The following SLC25A13 variants were observed in gnomAD, a reference collection of about 807,000 sequenced individuals.
SLC25A13 encodes electrogenic aspartate/glutamate antiporter SLC25A13, mitochondrial.
SLC25A13 carries 70 observed loss-of-function variants against 85.5 expected under a neutral mutation model. The ratio of observed to expected loss-of-function variants is 0.82; its 90% CI spans 0.68 to 1.00. The LOEUF is 1.00. Ranked by LOEUF, SLC25A13 falls within the 50% of genes least tolerant of loss-of-function variation. The pLI is 0.00. For synonymous variants in SLC25A13, 259 were observed against 288.7 expected (o/e 0.90, Z 1.04); for missense variants, 765 against 819.8 (o/e 0.93, Z 0.82).
chr7:96,199,288 A>T (rs148215086), intron 5 of SLC25A13, among the ~76,000 whole-genome samples: 248 of 152,310 alleles, frequency 1.6e-3, no homozygotes, highest in Middle Eastern at 0.01. Flanking sequence ...CCTACCAAAA[A>T]CCAGATGAAG....
intron 3 of SLC25A13, among the ~76,000 whole-genome samples, chr7:96,244,077 A>G (rs776555711): frequency 1.5e-4 from 23 of 152,166 alleles, no homozygotes; most frequent in Non-Finnish European, 2.8e-4. Flanking sequence ...AGAACCAAGG[A>G]GCAGTCAAAT....
At chr7:96,275,608 C>T (rs1430120772) in intron 3 of SLC25A13, among the ~76,000 whole-genome samples, 1 of 152,020 alleles carries the variant, frequency 6.6e-6, no homozygotes, top group African/African-American at 2.4e-5. Context: ...AGCTGGAAAC[C>T]ATCATTCTCA....
At position 96,191,181 on chromosome 7, in the gene SLC25A13, T is replaced by C; in HGVS notation, c.682A>G (p.Asn228Asp). The change falls in exon 7 of 18, where the codon AAC (asparagine) becomes GAC (aspartate). Residue 228 changes from asparagine (N) to aspartate (D), a missense_variant. Transcript: ENST00000265631. ...ATCTTTCTAATGAGTTCCATGTTGT[T>C]AAGGAGCGAATTAAATCCATTAAAA... ...SYFNGFNSLL[N>D]NMELIRKIYS... 6.2e-7 allele frequency: 1 copy of C among 1,614,048 alleles called. No homozygotes were observed.
At chr7:96,140,987 A>G (rs1164325233) in intron 14 of SLC25A13, among the ~76,000 whole-genome samples, 1 of 141,862 alleles carries the variant, frequency 7.0e-6, no homozygotes, top group Non-Finnish European at 1.6e-5. Context: ...CTGATGTCAT[A>G]TTAATTTTGC....
intron 3 of SLC25A13, among the ~76,000 whole-genome samples, chr7:96,255,511 C>G (rs1171681043): frequency 6.6e-6 from 1 of 152,106 alleles, no homozygotes; most frequent in Non-Finnish European, 1.5e-5. Flanking sequence ...CACAGGGAAA[C>G]CCCATCTTTA....
chr7:96,278,447 A>T (rs1380291200), intron 2 of SLC25A13, among the ~76,000 whole-genome samples: 1 of 152,204 alleles, frequency 6.6e-6, no homozygotes, highest in African/African-American at 2.4e-5. Context: ...ATGCAGACTA[A>T]GGCTTTGCTC....
intron 2 of SLC25A13, among the ~76,000 whole-genome samples, chr7:96,278,917 C>A (rs1013960606): frequency 1.3e-5 from 2 of 152,134 alleles, no homozygotes; most frequent in Admixed American, 6.6e-5. Flanking sequence ...AGTAATTATA[C>A]CTAAGTTTGC....
chr7:96,189,514 G>A, intron 8 of SLC25A13, 67 bp downstream of exon 8: 2 of 1,528,858 alleles, frequency 1.3e-6, no homozygotes, highest in Non-Finnish European at 9.0e-7. Flanking sequence ...TCTCCTGATT[G>A]CTGCCCTCCT....
chr7:96,120,578 C>A lies in SLC25A13; in HGVS notation c.*613G>T. 1 of 454,526 alleles carries A rather than the reference C, an allele frequency of 2.2e-6. No individual in the cohort carries two copies. Among genetic ancestry groups the A allele is most frequent in the Non-Finnish European group, 4.4e-6 (1 of 226,788 alleles). 28.2% of individuals were successfully genotyped at this position (454,526 alleles called of 1,614,324 possible). A position where few individuals can be genotyped will look rare whatever the true frequency, so the allele number is the denominator to read the frequency against. ...TTCCCTAAAGTACAAAGGCATTTCCCTAGTAGTCTTGGTACCAGTAACAAT... is the reference window on the plus strand; with the variant it reads ...TTCCCTAAAGTACAAAGGCATTTCCATAGTAGTCTTGGTACCAGTAACAAT... On this transcript the variant is annotated 3_prime_UTR_variant, in exon 18 of 18. Coordinates refer to ENST00000265631, the MANE Select transcript of SLC25A13 (RefSeq NM_014251.3).
At chr7:96,234,774 C>T (rs756271292) in intron 4 of SLC25A13, 28 bp downstream of exon 4, 5 of 1,534,516 alleles carry the variant, frequency 3.3e-6, no homozygotes, top group Non-Finnish European at 4.5e-6. Context: ...CACACTTACA[C>T]AGACGTGCAC....
chr7:96,130,783 A>G (rs1332977923), intron 15 of SLC25A13, among the ~76,000 whole-genome samples: 1 of 152,190 alleles, frequency 6.6e-6, no homozygotes, highest in Non-Finnish European at 1.5e-5. Context: ...GCAGCCAGGA[A>G]ACAGTAGCCC....
At chr7:96,140,774 T>C (rs115328498) in intron 14 of SLC25A13, among the ~76,000 whole-genome samples, 1,858 of 149,936 alleles carry the variant, frequency 0.012, 37 homozygotes, top group African/African-American at 0.043. Flanking sequence ...TTTTTGCTAA[T>C]AGCTATCCTA....
chr7:96,282,886 T>C (rs1404776143), intron 2 of SLC25A13, among the ~76,000 whole-genome samples: 1 of 152,100 alleles, frequency 6.6e-6, no homozygotes, highest in African/African-American at 2.4e-5. Flanking sequence ...AAAATGAAAA[T>C]TTTAAATAAG....
rs546663210 is a variant in SLC25A13, at chr7:96,260,078, T to C, written c.212+17118A>G. Among the ~76,000 whole-genome samples the C allele has an allele frequency of 3.9e-5, 6 of 151,956 alleles. No individual in the cohort carries two copies. The South Asian group carries it at 1.0e-3, about 26-fold the overall frequency. On this transcript the variant is annotated intron_variant, in intron 3 of 17. Transcript: ENST00000265631. ...GGGGGGTGGGGAGCAAGGGGAGGGA[T>C]AGCATTAGGAGAAATACCTAATGTA...
At chr7:96,183,946 T>C (rs73710210) in intron 11 of SLC25A13, among the ~76,000 whole-genome samples, 2,498 of 152,332 alleles carry the variant, frequency 0.016, 60 homozygotes, top group African/African-American at 0.057. Context: ...GGTGGCAGAA[T>C]ACCTTTCCCT....
chr7:96,298,096 A>G (rs1284178657), intron 1 of SLC25A13, among the ~76,000 whole-genome samples: 2 of 152,316 alleles, frequency 1.3e-5, no homozygotes, highest in South Asian at 4.1e-4. Context: ...GAGCCACCCC[A>G]TGATGAAGCC....
intron 3 of SLC25A13, among the ~76,000 whole-genome samples, chr7:96,252,728 T>C (rs1253620903): frequency 2.6e-5 from 4 of 152,128 alleles, no homozygotes; most frequent in Admixed American, 6.5e-5. Context: ...GGATTCTGCT[T>C]TGAAGATCGT....
rs17848738 is a variant in SLC25A13 at position 96,146,458 on chromosome 7, G to C, written c.1452+98C>G. 0.011 allele frequency: 16,291 copies of C among 1,503,874 alleles called. 375 individuals are homozygous for C. The highest frequency in any genetic ancestry group is 0.086 in the African/African-American group (6,077 of 70,450). 93.2% of individuals were successfully genotyped at this position (1,503,874 alleles called of 1,614,324 possible). A position where few individuals can be genotyped will look rare whatever the true frequency, so the allele number is the denominator to read the frequency against. On this transcript the variant is annotated intron_variant, in intron 14 of 17. Transcript: ENST00000265631. ...GGGTAGAACATCTTCTCCAGGTGTA[G>C]AAATGCAAAAAAAAATGGATTTCAT...
At chr7:96,229,365 A>G (rs1796442592) in intron 4 of SLC25A13, among the ~76,000 whole-genome samples, 1 of 152,172 alleles carries the variant, frequency 6.6e-6, no homozygotes, top group African/African-American at 2.4e-5. Flanking sequence ...GCACTCTGTC[A>G]AAATGGACCA....
Sources: allele counts gnomAD v4.1 joint callset (sites outside exome capture counted in the v4.1 genomes callset), GRCh38; gene constraint gnomAD v4.1.1; transcripts MANE v1.5; gene names NCBI Gene and HGNC (gene_info 2026-07-23, HGNC 2026-07-21).